The following ZNF80 variants were observed in gnomAD, a reference collection of about 807,000 sequenced individuals.
The protein encoded by ZNF80 is ZNFPT17.
For synonymous variants in ZNF80, 132 were observed against 119.4 expected (o/e 1.11, Z -0.69); for missense variants, 394 against 334.1 (o/e 1.18, Z -1.40).
rs1313900386 is a variant in ZNF80 at position 114,236,431 on chromosome 3, T to C, written c.644A>G (p.Lys215Arg). 2 of 1,612,582 alleles carry C rather than the reference T, an allele frequency of 1.2e-6. No homozygotes were observed. Among genetic ancestry groups the C allele is most frequent in the Admixed American group, 3.3e-5 (2 of 59,936 alleles). Residue 215 changes from lysine to arginine, a missense_variant, in exon 1 of 1, where the codon AAG becomes AGG. Transcript: ENST00000482457. ...FRHSMTHTAG[K>R]PYECKECGKG... ...CCCACATTCTTTGCACTCGTAGGGC[T>C]TTCCTGCAGTGTGGGTCATACTATG...
At position 114,236,054 on chromosome 3, in the gene ZNF80, G is replaced by T; in HGVS notation, c.*199C>A. 1 of 469,230 alleles carries T rather than the reference G, an allele frequency of 2.1e-6. No homozygotes were observed. Among genetic ancestry groups the T allele is most frequent in the South Asian group, 5.6e-5 (1 of 17,872 alleles). 29.1% of individuals were successfully genotyped at this position (469,230 alleles called of 1,614,324 possible). The stretch of plus-strand genomic sequence containing the variant: ...AAGTTCTCTGACGTTGACTGATGTG[G>T]GCCCACTTGCAAAAGGCCTTCCCAC... On this transcript the variant is annotated 3_prime_UTR_variant, in exon 1 of 1. Coordinates refer to ENST00000482457, the MANE Select transcript of ZNF80 (RefSeq NM_007136.4).
In ZNF80 at chr3:114,236,629, A is replaced by G. The variant is rs1194663618; in HGVS notation, c.446T>C (p.Ile149Thr). The change falls in exon 1 of 1, where the codon ATC becomes ACC. Residue 149 changes from isoleucine to threonine, a missense_variant. Transcript: ENST00000482457. ...TCCAGTGTGGGTCACACGATGCTGG[A>G]TGAAGACAGAGTGATAGCTGAAGGT... ...GKTFSYHSVF[I>T]QHRVTHTGEK... The G allele has an allele frequency of 1.2e-6, 2 of 1,614,042 alleles. No homozygotes were observed. Among genetic ancestry groups the G allele is most frequent in the African/African-American group, 2.7e-5 (2 of 74,928 alleles).
In ZNF80 at chr3:114,236,943, A is replaced by G; in HGVS notation, c.132T>C (p.Arg44=). ...SQGPSKDTLV[R]EGKTYKCKEC... is the part of the protein sequence containing the mutation. ...CCTTGCATTTGTAGGTCTTCCCCTC[A>G]CGAACCAAAGTGTCTTTACTTGGTC... The change falls in exon 1 of 1, where the codon CGT becomes CGC. Residue 44 remains arginine (R), a synonymous_variant. Coordinates refer to ENST00000482457, the MANE Select transcript of ZNF80 (RefSeq NM_007136.4). 1.9e-6 allele frequency: 3 copies of G among 1,614,204 alleles called. No individual in the cohort carries two copies. Among genetic ancestry groups the G allele is most frequent in the Non-Finnish European group, 8.5e-7 (1 of 1,180,032 alleles).
chr3:114,236,152 C>G lies in ZNF80; in HGVS notation c.*101G>C. 1.2e-6 allele frequency: 1 copy of G among 852,196 alleles called. No individual in the cohort carries two copies. Among genetic ancestry groups the G allele is most frequent in the Non-Finnish European group, 1.8e-6 (1 of 548,298 alleles). 52.8% of individuals were successfully genotyped at this position (852,196 alleles called of 1,614,324 possible). On this transcript the variant is annotated 3_prime_UTR_variant, in exon 1 of 1. Transcript: ENST00000482457. ...AGGATGAGCTGCAGGTCACAGCTTTCCTACTGCCACTGAATTCAGAGTGCT... is the reference window on the plus strand; with the variant it reads ...AGGATGAGCTGCAGGTCACAGCTTTGCTACTGCCACTGAATTCAGAGTGCT...
In ZNF80 at chr3:114,236,177, T is replaced by C. The variant is rs990128804; in HGVS notation, c.*76A>G. On this transcript the variant is annotated 3_prime_UTR_variant, in exon 1 of 1. Transcript: ENST00000482457. ...CCTACTGCCACTGAATTCAGAGTGC[T>C]TCTCCTCAGTGTGGCTCTCTATGTA... 7 of 1,109,396 alleles carry C rather than the reference T, an allele frequency of 6.3e-6. No homozygotes were observed. In the African/African-American group the frequency reaches 1.1e-4, roughly 17 times the overall value. 68.7% of individuals were successfully genotyped at this position (1,109,396 alleles called of 1,614,324 possible). A position where few individuals can be genotyped will look rare whatever the true frequency, so the allele number is the denominator to read the frequency against.
At position 114,236,248 on chromosome 3, in the gene ZNF80, T is replaced by C; in HGVS notation, c.*5A>G. 6.4e-7 allele frequency: 1 copy of C among 1,556,548 alleles called. No homozygotes were observed. Among genetic ancestry groups the C allele is most frequent in the Non-Finnish European group, 8.7e-7 (1 of 1,155,146 alleles). On this transcript the variant is annotated 3_prime_UTR_variant, in exon 1 of 1. Coordinates refer to ENST00000482457, the MANE Select transcript of ZNF80 (RefSeq NM_007136.4). ...AAAACCCACAAATTCCCACATCATT[T>C]GCACTCAAAGGTTTTTTCCTCCAGA...
In ZNF80 at chr3:114,236,794, C is replaced by T. The variant is rs374951121; in HGVS notation, c.281G>A (p.Arg94Gln). The change falls in exon 1 of 1, where the codon CGA becomes CAA. Residue 94 changes from arginine to glutamine, a missense_variant. Transcript: ENST00000482457. ...CTCCCCTGTGTGAATCCTCATGGGTCGAACGAAGTCGACCTTTTCAGGAAA... is the reference window on the plus strand; with the variant it reads ...CTCCCCTGTGTGAATCCTCATGGGTTGAACGAAGTCGACCTTTTCAGGAAA... ...KAFPEKVDFV[R>Q]PMRIHTGEKP... 2.0e-5 allele frequency: 33 copies of T among 1,613,912 alleles called. No homozygotes were observed. The South Asian group carries it at 2.3e-4, about 11-fold the overall frequency.
chr3:114,234,807 C>T lies in ZNF80; in HGVS notation c.*1446G>A, dbSNP rs2078193810. 6.6e-6 allele frequency: 1 copy of T among 152,260 alleles called. No individual in the cohort carries two copies. The highest frequency in any genetic ancestry group is 1.9e-4 in the East Asian group (1 of 5,190). The allele number at this position is 152,260 out of a possible 1,614,324, so 9.4% of individuals were successfully genotyped here. On this transcript the variant is annotated 3_prime_UTR_variant, in exon 1 of 1. Coordinates refer to ENST00000482457, the MANE Select transcript of ZNF80 (RefSeq NM_007136.4). ...GAAAACCACTATTAACAGTTTTATG[C>T]TTATACTTCTAGATGTAGTTTTATT...
Position 114,236,119 on chromosome 3 carries a change from G to T in ZNF80, c.*134C>A. 1.5e-6 allele frequency: 1 copy of T among 661,040 alleles called. No individual in the cohort carries two copies. The highest frequency in any genetic ancestry group is 2.5e-6 in the Non-Finnish European group (1 of 394,470). 40.9% of individuals were successfully genotyped at this position (661,040 alleles called of 1,614,324 possible). The stretch of plus-strand genomic sequence containing the variant: ...TTATCTCTGGAAGGAATTCTTCAAT[G>T]CCAAGTGAGGATGAGCTGCAGGTCA... On this transcript the variant is annotated 3_prime_UTR_variant, in exon 1 of 1. Transcript: ENST00000482457.
Position 114,236,616 on chromosome 3 carries a change from C to G in ZNF80, c.459G>C (p.Val153=). Residue 153 remains valine (V), a synonymous_variant, in exon 1 of 1, where the codon GTG becomes GTC. Coordinates refer to ENST00000482457, the MANE Select transcript of ZNF80 (RefSeq NM_007136.4). ...SYHSVFIQHR[V]THTGEKLFGC... is the part of the protein sequence containing the mutation. The stretch of plus-strand genomic sequence containing the variant: ...CAAAGAGTTTTTCTCCAGTGTGGGT[C>G]ACACGATGCTGGATGAAGACAGAGT... The G allele has an allele frequency of 6.2e-7, 1 of 1,614,172 alleles. No homozygotes were observed. Among genetic ancestry groups the G allele is most frequent in the Non-Finnish European group, 8.5e-7 (1 of 1,180,046 alleles).
rs1312149680 is a variant in ZNF80 at position 114,237,179 on chromosome 3, C to G, written c.-105G>C. ...GGTGGGTTCTTGGTCTCACTGACTT[C>G]AAGAATGAAGCCGCGGACCCTTGTG... On this transcript the variant is annotated 5_prime_UTR_variant, in exon 1 of 1. Coordinates refer to ENST00000482457, the MANE Select transcript of ZNF80 (RefSeq NM_007136.4). 3.9e-6 allele frequency: 4 copies of G among 1,033,444 alleles called. No homozygotes were observed. Among genetic ancestry groups the G allele is most frequent in the Non-Finnish European group, 5.8e-6 (4 of 690,644 alleles). 64.0% of individuals were successfully genotyped at this position (1,033,444 alleles called of 1,614,324 possible).
rs2078198944 is a variant in ZNF80 at position 114,235,748 on chromosome 3, C to G, written c.*505G>C. The G allele has an allele frequency of 6.5e-6, 1 of 152,870 alleles. No homozygotes were observed. The highest frequency in any genetic ancestry group is 2.1e-4 in the South Asian group (1 of 4,844). The allele number at this position is 152,870 out of a possible 1,614,324, so 9.5% of individuals were successfully genotyped here. A position where few individuals can be genotyped will look rare whatever the true frequency, so the allele number is the denominator to read the frequency against. On this transcript the variant is annotated 3_prime_UTR_variant, in exon 1 of 1. Coordinates refer to ENST00000482457, the MANE Select transcript of ZNF80 (RefSeq NM_007136.4). ...TTTCAGCCATCTGCAAAATGAAGAA[C>G]TGAATTCAAATTTTGATAGGCATGG...
In ZNF80 at chr3:114,236,968, C is replaced by A. The variant is rs746361310; in HGVS notation, c.107G>T (p.Gly36Val). 1 of 1,614,194 alleles carries A rather than the reference C, an allele frequency of 6.2e-7. No individual in the cohort carries two copies. Among genetic ancestry groups the A allele is most frequent in the Admixed American group, 1.7e-5 (1 of 60,030 alleles). ...ACGAACCAAAGTGTCTTTACTTGGT[C>A]CCTGGGAGTCACATTCATGGAGATT... The part of the protein sequence containing the change: ...GDNLHECDSQ[G>V]PSKDTLVREG... Residue 36 changes from glycine to valine, a missense_variant, in exon 1 of 1, where the codon GGA (glycine) becomes GTA (valine). By Grantham distance (109) the Gly-to-Val change is moderately radical (BLOSUM62 -3). Coordinates refer to ENST00000482457, the MANE Select transcript of ZNF80 (RefSeq NM_007136.4).
rs200001630 is a variant in ZNF80, at chr3:114,237,124, C to G, written c.-50G>C. On this transcript the variant is annotated 5_prime_UTR_variant, in exon 1 of 1. Transcript: ENST00000482457. ...GGAGACTGCAGCCAAACTCAAGTGC[C>G]CTTCTGCATTTCCAACTGTGTCCGG... is the stretch of plus-strand genomic sequence containing the variant. 8.5e-5 allele frequency: 128 copies of G among 1,508,398 alleles called. No homozygotes were observed. In the African/African-American group the frequency reaches 1.7e-3, roughly 20 times the overall value. 93.4% of individuals were successfully genotyped at this position (1,508,398 alleles called of 1,614,324 possible).
rs1560016972 is a variant in ZNF80 at position 114,235,960 on chromosome 3, G to A, written c.*293C>T. The stretch of plus-strand genomic sequence containing the variant: ...CCTCCTGGAAAAATTCTCAGATGCT[G>A]AGGAAGATATTTCCTGTGGCCAAAA... On this transcript the variant is annotated 3_prime_UTR_variant, in exon 1 of 1. Coordinates refer to ENST00000482457, the MANE Select transcript of ZNF80 (RefSeq NM_007136.4). 1 of 264,042 alleles carries A rather than the reference G, an allele frequency of 3.8e-6. No homozygotes were observed. The highest frequency in any genetic ancestry group is 7.1e-6 in the Non-Finnish European group (1 of 140,212). The allele number at this position is 264,042 out of a possible 1,614,324, so 16.4% of individuals were successfully genotyped here.
Position 114,236,808 on chromosome 3 carries a change from C to T in ZNF80, c.267G>A (p.Lys89=), listed in dbSNP as rs748332542. 3.7e-6 allele frequency: 6 copies of T among 1,613,972 alleles called. 1 individual carries two copies. The highest frequency in any genetic ancestry group is 1.6e-4 in the Middle Eastern group (1 of 6,084). ...TCCTCATGGGTCGAACGAAGTCGAC[C>T]TTTTCAGGAAAGGCTTTTCCACACT... The part of the protein sequence containing the change: ...CQECGKAFPE[K]VDFVRPMRIH... The change falls in exon 1 of 1, where the codon AAG becomes AAA. Residue 89 remains lysine, a synonymous_variant. Transcript: ENST00000482457.
chr3:114,235,098 G>A lies in ZNF80; in HGVS notation c.*1155C>T, dbSNP rs1404981522. On this transcript the variant is annotated 3_prime_UTR_variant, in exon 1 of 1. Transcript: ENST00000482457. ...AATTAACATGTCAAAGGATCTACATGTTTTATATTTTAATACATTGTATTC... is the reference window on the plus strand; with the variant it reads ...AATTAACATGTCAAAGGATCTACATATTTTATATTTTAATACATTGTATTC... 1 of 152,210 alleles carries A rather than the reference G, an allele frequency of 6.6e-6. No individual in the cohort carries two copies. The highest frequency in any genetic ancestry group is 1.5e-5 in the Non-Finnish European group (1 of 68,034). The allele number at this position is 152,210 out of a possible 1,614,324, so 9.4% of individuals were successfully genotyped here.
At position 114,236,911 on chromosome 3, in the gene ZNF80, C is replaced by G; in HGVS notation, c.164G>C (p.Gly55Ala). The G allele has an allele frequency of 6.2e-7, 1 of 1,614,196 alleles. No individual in the cohort carries two copies. Among genetic ancestry groups the G allele is most frequent in the Non-Finnish European group, 8.5e-7 (1 of 1,180,028 alleles). ...EGKTYKCKECGSVFNKNSLLV... is the reference protein window; with the variant it reads ...EGKTYKCKECASVFNKNSLLV... ...GAGGCTGTTTTTGTTAAACACGCTC[C>G]CACATTCCTTGCATTTGTAGGTCTT... The change falls in exon 1 of 1, where the codon GGG becomes GCG. Residue 55 changes from glycine to alanine, a missense_variant. Transcript: ENST00000482457.
Position 114,236,982 on chromosome 3 carries a change from T to G in ZNF80, c.93A>C (p.Glu31Asp). 6.2e-7 allele frequency: 1 copy of G among 1,614,212 alleles called. No homozygotes were observed. The highest frequency in any genetic ancestry group is 8.5e-7 in the Non-Finnish European group (1 of 1,180,026). The change falls in exon 1 of 1, where the codon GAA (glutamate) becomes GAC (aspartate). Residue 31 changes from glutamate (E) to aspartate (D), a missense_variant. By Grantham distance (45) the Glu-to-Asp change is conservative. Transcript: ENST00000482457. ...EQVSTGDNLH[E>D]CDSQGPSKDT... is the part of the protein sequence containing the mutation. Reference sequence around the variant, plus strand: ...CTTTACTTGGTCCCTGGGAGTCACATTCATGGAGATTGTCTCCTGTGGAGA... The same window carrying G: ...CTTTACTTGGTCCCTGGGAGTCACAGTCATGGAGATTGTCTCCTGTGGAGA...
Sources: gnomAD v4.1 joint callset for allele counts on GRCh38, gnomAD v4.1.1 for gene constraint, MANE v1.5 for transcripts, NCBI Gene and HGNC (gene_info 2026-07-23, HGNC 2026-07-21) for gene names.